Variants in C2CD3 observed in about 807,000 individuals in gnomAD.
C2CD3 encodes the protein C2 domain-containing protein 3.
In C2CD3, 148 loss-of-function variants were observed where a neutral mutation model predicts 234.0. The observed-to-expected ratio is 0.63, with a 90% CI of 0.55 to 0.72. The LOEUF (loss-of-function observed/expected upper bound fraction) is 0.72, where lower values mean the gene tolerates loss of function less well. Ranked by LOEUF, C2CD3 falls within the 30% of genes least tolerant of loss-of-function variation. The probability of loss-of-function intolerance (pLI) is 0.00; values close to 1 mark genes in which losing one functional copy is unlikely to be tolerated. For synonymous variants in C2CD3, 1,000 were observed against 1,035.4 expected, an observed-to-expected ratio of 0.97 and a Z score of 0.66; for missense variants, 2,577 against 2,811.5, an observed-to-expected ratio of 0.92 and a Z score of 1.89.
At chr11:74,113,719 A>C in intron 11 of C2CD3, 61 bp downstream of exon 11, 1 of 944,726 alleles carries the variant, frequency 1.1e-6, no homozygotes, top group African/African-American at 1.6e-5. Flanking sequence ...AGTAATTAGG[A>C]ATTCAAAAAT....
At chr11:74,062,296 T>G (rs1954286824) in intron 24 of C2CD3, among the ~76,000 whole-genome samples, 2 of 152,164 alleles carry the variant, frequency 1.3e-5, no homozygotes, top group South Asian at 4.1e-4. Context: ...TACAGAACTC[T>G]CCACCCCAAA....
At chr11:74,058,095 A>G (rs968145699) in intron 24 of C2CD3, among the ~76,000 whole-genome samples, 2 of 152,236 alleles carry the variant, frequency 1.3e-5, no homozygotes, top group African/African-American at 4.8e-5. Flanking sequence ...GAAGATGGAA[A>G]ATACTGTGTT....
In C2CD3 at chr11:74,074,434, A is replaced by C. The variant is rs1265780449; in HGVS notation, c.4770T>G (p.Asp1590Glu). Reference sequence around the variant, plus strand: ...CTTCTGGTGGAGAGAGCTGGACCTCATCATTCCTTCTGGGGAGCTGCTCAG... The same window carrying C: ...CTTCTGGTGGAGAGAGCTGGACCTCCTCATTCCTTCTGGGGAGCTGCTCAG... ...SESEQLPRRN[D>E]EVQLSPPEVI... The change falls in exon 24 of 33, where the codon GAT (aspartate) becomes GAG (glutamate). Residue 1590 changes from aspartate (D) to glutamate (E), a missense_variant. By Grantham distance (45) the Asp-to-Glu change is conservative (BLOSUM62 2). Coordinates refer to ENST00000334126, the MANE Select transcript of C2CD3 (RefSeq NM_001286577.2). 1 of 1,614,080 alleles carries C rather than the reference A, an allele frequency of 6.2e-7. No homozygotes were observed. The highest frequency in any genetic ancestry group is 2.2e-5 in the East Asian group (1 of 44,880).
In C2CD3 at chr11:74,078,496, T is replaced by C. The variant is rs769271490; in HGVS notation, c.4222A>G (p.Thr1408Ala). 1.2e-6 allele frequency: 2 copies of C among 1,614,160 alleles called. No homozygotes were observed. The highest frequency in any genetic ancestry group is 1.7e-6 in the Non-Finnish European group (2 of 1,180,030). The stretch of plus-strand genomic sequence containing the variant: ...AGCCACAGCCTTGGGGTGGAGATGG[T>C]GACAGTGGCTGGCTCCCCTTCATCC... ...RMDEGEPATV[T>A]ISTPRLWLPI... The change falls in exon 23 of 33, where the codon ACC becomes GCC. Residue 1408 changes from threonine to alanine, a missense_variant. Coordinates refer to ENST00000334126, the MANE Select transcript of C2CD3 (RefSeq NM_001286577.2).
chr11:74,019,194 C>A (rs977351994), intron 32 of C2CD3, among the ~76,000 whole-genome samples: 1 of 152,202 alleles, frequency 6.6e-6, no homozygotes, highest in African/African-American at 2.4e-5. Context: ...ACAAGAAGAG[C>A]TCCTGGCTCC....
chr11:74,133,343 C>G (rs1271536810), intron 6 of C2CD3, 82 bp downstream of exon 6: 1 of 1,215,812 alleles, frequency 8.2e-7, no homozygotes. Flanking sequence ...CCAAGATTAC[C>G]TAGTCCATAA....
chr11:74,059,167 T>G (rs1279606475), intron 24 of C2CD3, among the ~76,000 whole-genome samples: 1 of 152,068 alleles, frequency 6.6e-6, no homozygotes, highest in Admixed American at 6.5e-5. Context: ...TGTATGTGTA[T>G]TCTAACTGGT....
At chr11:74,049,268 A>C in intron 27 of C2CD3, 69 bp downstream of exon 27, 1 of 1,320,278 alleles carries the variant, frequency 7.6e-7, no homozygotes, top group Non-Finnish European at 1.1e-6. Flanking sequence ...AGTGCCAAAC[A>C]TGAGTAAAGG....
intron 8 of C2CD3, among the ~76,000 whole-genome samples, chr11:74,121,700 C>T (rs893557478): frequency 6.8e-6 from 1 of 146,132 alleles, no homozygotes; most frequent in Non-Finnish European, 1.5e-5. Flanking sequence ...AAACACAAAA[C>T]AAACAACCCC....
intron 3 of C2CD3, among the ~76,000 whole-genome samples, chr11:74,145,538 GC>G (rs1038515990): frequency 6.6e-6 from 1 of 152,092 alleles, no homozygotes; most frequent in African/African-American, 2.4e-5. Context: ...CTTTTGCTGT[GC>G]AAAAGCTCTT....
chr11:74,063,518 A>C (rs1173437960), intron 24 of C2CD3, among the ~76,000 whole-genome samples: 1 of 152,212 alleles, frequency 6.6e-6, no homozygotes, highest in Non-Finnish European at 1.5e-5. Context: ...ACAGAACCAA[A>C]GACAAAAACC....
intron 7 of C2CD3, among the ~76,000 whole-genome samples, chr11:74,126,489 T>A (rs1957417937): frequency 6.6e-6 from 1 of 152,202 alleles, no homozygotes; most frequent in Non-Finnish European, 1.5e-5. Context: ...ACGCCTGTAA[T>A]CCCAGCACTT....
intron 32 of C2CD3, among the ~76,000 whole-genome samples, chr11:74,024,893 C>T (rs1565204183): frequency 1.3e-5 from 2 of 152,172 alleles, no homozygotes; most frequent in East Asian, 1.9e-4. Context: ...GGTTCCAGTG[C>T]TAAAACTGCA....
chr11:74,066,844 C>T (rs1238595108), intron 24 of C2CD3, among the ~76,000 whole-genome samples: 1 of 152,100 alleles, frequency 6.6e-6, no homozygotes, highest in Non-Finnish European at 1.5e-5. Flanking sequence ...ACCAAAGTAA[C>T]AATGATTCAG....
Position 74,118,393 on chromosome 11 carries a change from G to A in C2CD3, c.1366-11C>T. ...GCTGGTATCAGATTTCTATGGAGAGGAAGAAACAGAGACACTAAATGACTG... is the reference window on the plus strand; with the variant it reads ...GCTGGTATCAGATTTCTATGGAGAGAAAGAAACAGAGACACTAAATGACTG... On this transcript the variant is annotated splice_polypyrimidine_tract_variant and intron_variant, in intron 8 of 32. Coordinates refer to ENST00000334126, the MANE Select transcript of C2CD3 (RefSeq NM_001286577.2). 1 of 1,607,682 alleles carries A rather than the reference G, an allele frequency of 6.2e-7. No individual in the cohort carries two copies. The highest frequency in any genetic ancestry group is 1.1e-5 in the South Asian group (1 of 90,688).
At position 74,013,326 on chromosome 11, in the gene C2CD3, T is replaced by C; in HGVS notation, c.*59A>G. On this transcript the variant is annotated 3_prime_UTR_variant, in exon 33 of 33. Coordinates refer to ENST00000334126, the MANE Select transcript of C2CD3 (RefSeq NM_001286577.2). ...GCCAGACCTGGTGCCTCCTGCAAGC[T>C]GGACAAAGCTGACGGAGGGTGGGCA... is the stretch of plus-strand genomic sequence containing the variant. The C allele has an allele frequency of 1.8e-6, 1 of 542,274 alleles. No homozygotes were observed. Among genetic ancestry groups the C allele is most frequent in the Non-Finnish European group, 3.0e-6 (1 of 330,262 alleles). 33.6% of individuals were successfully genotyped at this position (542,274 alleles called of 1,614,324 possible).
chr11:74,023,443 C>T lies in C2CD3; in HGVS notation c.6921+4844G>A, dbSNP rs542492393. Among the ~76,000 whole-genome samples the T allele has an allele frequency of 4.5e-4, 68 of 152,392 alleles. 1 individual carries two copies. The South Asian group carries it at 0.014, about 31-fold the overall frequency. On this transcript the variant is annotated intron_variant, in intron 32 of 32. Coordinates refer to ENST00000334126, the MANE Select transcript of C2CD3 (RefSeq NM_001286577.2). ...GGACAGGGCTCCTGCCCTTGCCTCA[C>T]TCCCTCTCACTTAGAGCTGCTGACT...
At chr11:74,084,536 A>G (rs1955553467) in intron 22 of C2CD3, among the ~76,000 whole-genome samples, 1 of 152,090 alleles carries the variant, frequency 6.6e-6, no homozygotes, top group South Asian at 2.1e-4. Context: ...TTGGCTTCCC[A>G]AAGTGCTGGG....
intron 32 of C2CD3, among the ~76,000 whole-genome samples, chr11:74,022,737 A>G (rs149563507): frequency 6.6e-5 from 10 of 152,376 alleles, no homozygotes; most frequent in Middle Eastern, 3.4e-3. Context: ...CTGTCCCAGT[A>G]AAGAGTTACT....
Sources: gnomAD v4.1 joint callset for allele counts (sites outside exome capture counted in the v4.1 genomes callset) on GRCh38, gnomAD v4.1.1 for gene constraint, MANE v1.5 for transcripts, NCBI Gene and HGNC (gene_info 2026-07-23, HGNC 2026-07-21) for gene names.